ZMYND11: variants seen among roughly 807,000 people sequenced by gnomAD.
ZMYND11 encodes zinc finger MYND domain-containing protein 11.
ZMYND11 carries 9 observed loss-of-function variants against 84.9 expected under a neutral mutation model. The ratio of observed to expected loss-of-function variants is 0.11; its 90% CI spans 0.06 to 0.18. The LOEUF (loss-of-function observed/expected upper bound fraction) is 0.18, where lower values mean the gene tolerates loss of function less well. ZMYND11 is among the 10% of genes least tolerant of loss of function. ZMYND11 has a pLI of 1.00. For synonymous variants in ZMYND11, 250 were observed against 244.1 expected (o/e 1.02, Z -0.23); for missense variants, 409 against 761.0 (o/e 0.54, Z 5.44).
intron 1 of ZMYND11, among the ~76,000 whole-genome samples, chr10:158,998 T>TTG (rs1554760534): frequency 6.8e-6 from 1 of 147,762 alleles, no homozygotes; most frequent in East Asian, 2.0e-4. Flanking sequence ...TTTGTTTTTT[T>TTG]TTTTTTTTTT....
chr10:168,318 G>A (rs1844491488), intron 1 of ZMYND11, among the ~76,000 whole-genome samples: 1 of 152,014 alleles, frequency 6.6e-6, no homozygotes, highest in Admixed American at 6.6e-5. Flanking sequence ...GTATTGATAA[G>A]AATTTAATAT....
intron 2 of ZMYND11, among the ~76,000 whole-genome samples, chr10:202,798 TTAA>T (rs1333438040): frequency 6.6e-6 from 1 of 152,112 alleles, no homozygotes; most frequent in East Asian, 1.9e-4. Flanking sequence ...TTATTTCACT[TTAA>T]AATAAGAAAG....
chr10:199,388 T>C (rs895448350), intron 2 of ZMYND11, among the ~76,000 whole-genome samples: 10 of 147,700 alleles, frequency 6.8e-5, no homozygotes, highest in African/African-American at 2.2e-4. Flanking sequence ...TATATGCATA[T>C]ATAATTTTAA....
At chr10:234,755 C>G (rs529618629) in intron 4 of ZMYND11, among the ~76,000 whole-genome samples, 4 of 151,836 alleles carry the variant, frequency 2.6e-5, no homozygotes, top group Admixed American at 6.6e-5. Flanking sequence ...CAATCTCCAG[C>G]CTTCTTACGT....
rs1225328287 is a variant in ZMYND11, at chr10:135,883, G to T, written c.-20+324G>T. ...ACCGCGCGGGGCCTGCTCGGGCCGG[G>T]AAGCCGCGGAGTCGCGTGAGCACCG... is the stretch of plus-strand genomic sequence containing the variant. On this transcript the variant is annotated intron_variant, in intron 1 of 14. Transcript: ENST00000381604. This position sits in a 1 kb window ranked among gnomAD's most constrained non-coding sequence, Gnocchi z 5.6. 4.6e-5 allele frequency among the ~76,000 whole-genome samples: 7 copies of T among 151,270 alleles called. No individual in the cohort carries two copies. Among genetic ancestry groups the T allele is most frequent in the Non-Finnish European group, 8.9e-5 (6 of 67,746 alleles).
intron 4 of ZMYND11, among the ~76,000 whole-genome samples, chr10:229,903 T>C (rs1948713295): frequency 6.6e-6 from 1 of 152,212 alleles, no homozygotes; most frequent in Non-Finnish European, 1.5e-5. Context: ...ACAGAGTGTT[T>C]TGATTTCTGT....
At chr10:218,720 A>C (rs1238300996) in intron 3 of ZMYND11, among the ~76,000 whole-genome samples, 2 of 152,188 alleles carry the variant, frequency 1.3e-5, no homozygotes, top group African/African-American at 4.8e-5. Context: ...GCTGTTACTC[A>C]GGCTATCTCT....
intron 3 of ZMYND11, among the ~76,000 whole-genome samples, chr10:211,023 C>G (rs1945124612): frequency 6.6e-6 from 1 of 151,450 alleles, no homozygotes; most frequent in Non-Finnish European, 1.5e-5. Context: ...ACAACCCCAT[C>G]TCTACAAAAA....
chr10:179,134 G>A (rs1847294794), intron 1 of ZMYND11, among the ~76,000 whole-genome samples: 1 of 152,158 alleles, frequency 6.6e-6, no homozygotes, highest in Non-Finnish European at 1.5e-5. Context: ...CGTCCCCAAT[G>A]CTAGGATTCA....
intron 2 of ZMYND11, among the ~76,000 whole-genome samples, chr10:204,475 G>T (rs903693801): frequency 6.6e-5 from 10 of 152,186 alleles, no homozygotes; most frequent in Admixed American, 2.0e-4. Flanking sequence ...TGTACCCAAA[G>T]AATTTATTGA....
intron 2 of ZMYND11, among the ~76,000 whole-genome samples, chr10:196,151 T>G (rs1414640855): frequency 1.3e-5 from 2 of 152,262 alleles, no homozygotes; most frequent in Non-Finnish European, 1.5e-5. Context: ...TTTTGGCTAT[T>G]TCTCTTTTCT....
At chr10:245,755 G>A (rs1213495906) in intron 10 of ZMYND11, among the ~76,000 whole-genome samples, 1 of 152,162 alleles carries the variant, frequency 6.6e-6, no homozygotes, top group Non-Finnish European at 1.5e-5. Flanking sequence ...GCACCCTAGA[G>A]TACCTTTACC....
chr10:136,995 A>G lies in ZMYND11; in HGVS notation c.-20+1436A>G, dbSNP rs79216308. 8.6e-3 allele frequency among the ~76,000 whole-genome samples: 1,303 copies of G among 152,222 alleles called. 37 individuals carry two copies. The highest frequency in any genetic ancestry group is 0.072 in the East Asian group (375 of 5,182). ...CTGGTGTTATCTATGTTTTGTATATATATCTGGTGGCATGTACAGTATGTA... is the reference window on the plus strand; with the variant it reads ...CTGGTGTTATCTATGTTTTGTATATGTATCTGGTGGCATGTACAGTATGTA... On this transcript the variant is annotated intron_variant, in intron 1 of 14. Coordinates refer to ENST00000381604, the MANE Select transcript of ZMYND11 (RefSeq NM_001370100.5).
chr10:154,626 A>G (rs1232879582), intron 1 of ZMYND11, among the ~76,000 whole-genome samples: 6 of 152,208 alleles, frequency 3.9e-5, no homozygotes, highest in Admixed American at 3.3e-4. Flanking sequence ...TAATTTTAGC[A>G]GGTAGGAACA....
intron 2 of ZMYND11, among the ~76,000 whole-genome samples, chr10:192,580 C>G (rs575726255): frequency 4.7e-4 from 72 of 152,338 alleles, no homozygotes; most frequent in South Asian, 1.7e-3. Flanking sequence ...GTCTGTCTGT[C>G]CAGAAAGAGA....
chr10:224,734 G>C (rs867797302), intron 4 of ZMYND11, among the ~76,000 whole-genome samples: 188 of 152,236 alleles, frequency 1.2e-3, no homozygotes, highest in African/African-American at 4.3e-3. Flanking sequence ...ACCCCAGAAT[G>C]ACCTTTTTTT....
chr10:211,564 C>T (rs11250980), intron 3 of ZMYND11, among the ~76,000 whole-genome samples: 5,633 of 152,240 alleles, frequency 0.037, 151 homozygotes, highest in Non-Finnish European at 0.056. Flanking sequence ...TTTATAGCAA[C>T]AGCTGTGATA....
intron 2 of ZMYND11, among the ~76,000 whole-genome samples, chr10:188,806 G>A (rs1404570006): frequency 1.3e-5 from 2 of 152,166 alleles, no homozygotes; most frequent in African/African-American, 4.8e-5. Flanking sequence ...TTATAAGATA[G>A]TTTAAAGACA....
At chr10:240,025 G>A in intron 7 of ZMYND11, 31 bp from the exon 8 acceptor site, 1 of 1,588,016 alleles carries the variant, frequency 6.3e-7, no homozygotes, top group Non-Finnish European at 8.6e-7. Context: ...GCAGACTATT[G>A]CTTATAGGTA....
Sources: allele counts gnomAD v4.1 joint callset (sites outside exome capture counted in the v4.1 genomes callset), GRCh38; gene constraint gnomAD v4.1.1; non-coding constraint Gnocchi (gnomAD v3.1); transcripts MANE v1.5; gene names NCBI Gene and HGNC (gene_info 2026-07-23, HGNC 2026-07-21).